Variants in CLMN observed in about 807,000 individuals in gnomAD.
CLMN encodes calmin, also known as calmin (calponin-like, transmembrane).
A neutral mutation model predicts 92.7 loss-of-function variants in CLMN; 57 were observed. The ratio of observed to expected loss-of-function variants is 0.61; its 90% CI spans 0.50 to 0.77. CLMN has a LOEUF of 0.77. Ranked by LOEUF, CLMN falls within the 30% of genes least tolerant of loss-of-function variation. The pLI is 0.00. For missense variants in CLMN, 1,158 were observed against 1,237.5 expected (o/e 0.94, Z 0.96); for synonymous variants, 466 against 470.6 (o/e 0.99, Z 0.13).
At chr14:95,307,932 C>G (rs1270852053) in intron 1 of CLMN, among the ~76,000 whole-genome samples, 1 of 152,206 alleles carries the variant, frequency 6.6e-6, no homozygotes, top group Non-Finnish European at 1.5e-5. Context: ...GCCCCTCTGA[C>G]CTCGGAGTCT....
chr14:95,272,135 G>A (rs1231909491), intron 1 of CLMN, among the ~76,000 whole-genome samples: 3 of 152,244 alleles, frequency 2.0e-5, no homozygotes, highest in African/African-American at 7.2e-5. Context: ...TGTACAAGAC[G>A]TTTCGTTTGT....
intron 9 of CLMN, among the ~76,000 whole-genome samples, chr14:95,201,797 T>C (rs1224063355): frequency 6.6e-6 from 1 of 152,090 alleles, no homozygotes; most frequent in Non-Finnish European, 1.5e-5. Context: ...TTCTCATTGT[T>C]CAACTCCCAT....
chr14:95,206,146 A>G (rs1448124839), intron 8 of CLMN, among the ~76,000 whole-genome samples: 1 of 152,252 alleles, frequency 6.6e-6, no homozygotes, highest in African/African-American at 2.4e-5. Flanking sequence ...GGCTATGTTC[A>G]TATCAGACAA....
Position 95,191,792 on chromosome 14 carries a change from C to G in CLMN, c.2841-60G>C. On this transcript the variant is annotated intron_variant, in intron 12 of 12. Transcript: ENST00000298912. The surrounding 1 kb of genome is among the most constrained non-coding windows in gnomAD (Gnocchi z 5.3). ...AGCAGGTTCCCAGGAAAGTGGACCC[C>G]ACCCAGTGCTACCCGTCTCTCCCCG... The G allele has an allele frequency of 2.0e-6, 3 of 1,513,970 alleles. No homozygotes were observed. The highest frequency in any genetic ancestry group is 2.7e-6 in the Non-Finnish European group (3 of 1,124,914). 93.8% of individuals were successfully genotyped at this position (1,513,970 alleles called of 1,614,324 possible).
chr14:95,220,617 G>T (rs1489669894), intron 4 of CLMN, among the ~76,000 whole-genome samples: 1 of 152,066 alleles, frequency 6.6e-6, no homozygotes, highest in Non-Finnish European at 1.5e-5. Flanking sequence ...CTCTGTGCCT[G>T]GGACTTTCTC....
At chr14:95,202,722 G>C in intron 9 of CLMN, 116 bp downstream of exon 9, 1 of 1,174,994 alleles carries the variant, frequency 8.5e-7, no homozygotes, top group African/African-American at 1.5e-5. Flanking sequence ...CACCATAGTA[G>C]TCCCAAGGGA....
intron 9 of CLMN, chr14:95,198,912 ATTTAT>A: frequency 6.6e-6 from 1 of 152,056 alleles, no homozygotes; most frequent in Non-Finnish European, 1.5e-5. Flanking sequence ...TTTATTATTT[ATTTAT>A]TTATTTATTT....
At chr14:95,223,108 G>T (rs1280525863) in intron 3 of CLMN, among the ~76,000 whole-genome samples, 1 of 152,212 alleles carries the variant, frequency 6.6e-6, no homozygotes, top group Non-Finnish European at 1.5e-5. Context: ...GAGATTGTTA[G>T]CTGTCACACC....
At chr14:95,307,010 G>T (rs369991117) in intron 1 of CLMN, among the ~76,000 whole-genome samples, 15 of 152,328 alleles carry the variant, frequency 9.8e-5, no homozygotes, top group East Asian at 7.7e-4. Flanking sequence ...ATCCTCCAGG[G>T]AAAGGGGCTG....
At chr14:95,211,415 C>T (rs1897194157) in intron 6 of CLMN, among the ~76,000 whole-genome samples, 1 of 151,960 alleles carries the variant, frequency 6.6e-6, no homozygotes. Flanking sequence ...CGTTGGGAGC[C>T]CAAGAAAGCC....
In CLMN at chr14:95,184,701, C is replaced by T. The variant is rs1896400960; in HGVS notation, c.*6863G>A. 6.6e-6 allele frequency: 1 copy of T among 152,280 alleles called. No individual in the cohort carries two copies. The highest frequency in any genetic ancestry group is 6.5e-5 in the Admixed American group (1 of 15,292). The allele number at this position is 152,280 out of a possible 1,614,324, so 9.4% of individuals were successfully genotyped here. On this transcript the variant is annotated 3_prime_UTR_variant, in exon 13 of 13. Coordinates refer to ENST00000298912, the MANE Select transcript of CLMN (RefSeq NM_024734.4). ...TTGTGGGCTCTTGGGGAACCAGCAG[C>T]TCTGAGTCTCCAGGCTTTTGACCCA...
intron 1 of CLMN, among the ~76,000 whole-genome samples, chr14:95,311,768 C>T (rs1595123986): frequency 6.6e-6 from 1 of 152,136 alleles, no homozygotes; most frequent in African/African-American, 2.4e-5. Flanking sequence ...CCACATGCTC[C>T]CCTACCCTGT....
intron 1 of CLMN, among the ~76,000 whole-genome samples, chr14:95,293,520 G>A (rs1900685832): frequency 6.6e-6 from 1 of 151,828 alleles, no homozygotes; most frequent in Non-Finnish European, 1.5e-5. Context: ...TCCCTAGGCA[G>A]TCTGTCAGCC....
chr14:95,303,567 C>T (rs1454862351), intron 1 of CLMN, among the ~76,000 whole-genome samples: 2 of 152,230 alleles, frequency 1.3e-5, no homozygotes, highest in Non-Finnish European at 2.9e-5. Flanking sequence ...CACGGATGAA[C>T]CAAAGTGTGC....
At chr14:95,254,964 C>T (rs942144560) in intron 1 of CLMN, among the ~76,000 whole-genome samples, 1 of 152,190 alleles carries the variant, frequency 6.6e-6, no homozygotes, top group African/African-American at 2.4e-5. Context: ...TTGAGCCACC[C>T]CACCTGGCCT....
intron 1 of CLMN, among the ~76,000 whole-genome samples, chr14:95,265,659 T>C (rs1282740398): frequency 3.3e-5 from 5 of 152,184 alleles, no homozygotes; most frequent in South Asian, 2.1e-4. Context: ...TATCAATTTC[T>C]CACTTTCACT....
At chr14:95,249,793 C>T (rs183989339) in intron 1 of CLMN, among the ~76,000 whole-genome samples, 2 of 152,152 alleles carry the variant, frequency 1.3e-5, no homozygotes, top group African/African-American at 4.8e-5. Context: ...CGGGGTTTCA[C>T]TGTGTTAGCC....
chr14:95,240,406 T>C (rs74907002), intron 1 of CLMN, among the ~76,000 whole-genome samples: 20,697 of 151,940 alleles, frequency 0.14, 2,462 homozygotes, highest in African/African-American at 0.31. Flanking sequence ...CTTCCAGACA[T>C]GGCCCCAAAC....
intron 1 of CLMN, among the ~76,000 whole-genome samples, chr14:95,282,060 C>G (rs1900162573): frequency 6.6e-6 from 1 of 152,176 alleles, no homozygotes; most frequent in Admixed American, 6.5e-5. Context: ...AGAGCATCAG[C>G]TTAACAAGTA....
Sources: gnomAD v4.1 joint callset for allele counts (sites outside exome capture counted in the v4.1 genomes callset) on GRCh38, gnomAD v4.1.1 for gene constraint, Gnocchi (gnomAD v3.1) non-coding constraint, MANE v1.5 for transcripts, NCBI Gene and HGNC (gene_info 2026-07-23, HGNC 2026-07-21) for gene names.